The following HMGXB4 variants were observed in gnomAD, a reference collection of about 807,000 sequenced individuals.
The protein encoded by HMGXB4 is HMG domain-containing protein 4.
Under a neutral mutation model 63.9 loss-of-function variants are expected in HMGXB4, and 27 were observed. The ratio of observed to expected loss-of-function variants is 0.42; its 90% CI spans 0.31 to 0.58. HMGXB4 has a LOEUF of 0.58. Among genes scored for constraint, HMGXB4 ranks in the 20% least tolerant of loss-of-function variants. The pLI, the probability that HMGXB4 is intolerant of heterozygous loss-of-function variation, is 0.13. For synonymous variants in HMGXB4, 264 were observed against 265.3 expected (o/e 0.99, Z 0.05); for missense variants, 624 against 700.7 (o/e 0.89, Z 1.24).
At chr22:35,255,509 T>C (rs2146385221), upstream of HMGXB4, among the ~76,000 whole-genome samples, 1 of 152,300 alleles carries the variant, frequency 6.6e-6, no homozygotes, top group Middle Eastern at 3.4e-3. Flanking sequence ...AGAAAGACCC[T>C]GTCTCAAAAC....
chr22:35,282,366 CG>C (rs1354578190), intron 5 of HMGXB4, among the ~76,000 whole-genome samples: 4 of 152,046 alleles, frequency 2.6e-5, no homozygotes, highest in Non-Finnish European at 5.9e-5. Context: ...TTAGTAGAGA[CG>C]GGGTTTCACC....
rs765734557 is a variant in HMGXB4 at position 35,265,046 on chromosome 22, G to C, written c.658G>C (p.Val220Leu). ...TCAATATCCCTCCCAACAAGCGACT[G>C]TGAAAAAATCCTCAAAGAAATCAGC... ...SFQYPSQQAT[V>L]KKSSKKSARD... The change falls in exon 5 of 11, where the codon GTG becomes CTG. Residue 220 changes from valine (V) to leucine (L), a missense_variant. By Grantham distance (32) the Val-to-Leu change is conservative. Coordinates refer to ENST00000216106, the MANE Select transcript of HMGXB4 (RefSeq NM_001003681.3). 6.2e-7 allele frequency: 1 copy of C among 1,613,914 alleles called. No homozygotes were observed. Among genetic ancestry groups the C allele is most frequent in the Admixed American group, 1.7e-5 (1 of 60,026 alleles).
chr22:35,244,190 T>C, the HMGXB4 span, among the ~76,000 whole-genome samples: 1 of 152,198 alleles, frequency 6.6e-6, no homozygotes, highest in Non-Finnish European at 1.5e-5. Context: ...ATGATAGGAA[T>C]GTTGGATCTT....
intron 1 of HMGXB4, among the ~76,000 whole-genome samples, chr22:35,259,561 T>C (rs992693429): frequency 2.0e-5 from 3 of 151,552 alleles, no homozygotes; most frequent in Non-Finnish European, 2.9e-5. Flanking sequence ...CTTATATAAA[T>C]GTTGCCTGAA....
rs77048906 is a variant in HMGXB4 at position 35,288,693 on chromosome 22, A to T, written c.1638+286A>T. 4.3e-3 allele frequency among the ~76,000 whole-genome samples: 650 copies of T among 152,254 alleles called. 6 individuals carry two copies. Among genetic ancestry groups the T allele is most frequent in the African/African-American group, 0.014 (601 of 41,542 alleles). The stretch of plus-strand genomic sequence containing the variant: ...CTGTAACTTATTTTTATTTTTTTAA[A>T]ATGCAGTGGAGGCTGGGCGCAGTGG... On this transcript the variant is annotated intron_variant, in intron 9 of 10. Coordinates refer to ENST00000216106, the MANE Select transcript of HMGXB4 (RefSeq NM_001003681.3).
chr22:35,270,531 T>C (rs914221131), intron 5 of HMGXB4, among the ~76,000 whole-genome samples: 7 of 152,146 alleles, frequency 4.6e-5, no homozygotes, highest in Non-Finnish European at 1.0e-4. Flanking sequence ...CATGGAAAAA[T>C]TGTTTTCCAC....
At chr22:35,288,677 A>C (rs1924739888) in intron 9 of HMGXB4, among the ~76,000 whole-genome samples, 2 of 151,810 alleles carry the variant, frequency 1.3e-5, no homozygotes, top group African/African-American at 4.9e-5. Context: ...CCTGTAACTT[A>C]TTTTTATTTT....
intron 9 of HMGXB4, among the ~76,000 whole-genome samples, chr22:35,290,644 A>G (rs562320248): frequency 2.4e-3 from 370 of 151,202 alleles, no homozygotes; most frequent in African/African-American, 8.7e-3. Context: ...AAAAAAAAAA[A>G]AAAAAAAAAG....
chr22:35,256,607 C>T (rs1470020820), upstream of HMGXB4, among the ~76,000 whole-genome samples: 1 of 152,206 alleles, frequency 6.6e-6, no homozygotes, highest in Non-Finnish European at 1.5e-5. Context: ...TCAAGCGATT[C>T]TCCTGCCTCA....
In HMGXB4 at chr22:35,288,306, C is replaced by T. The variant is rs767377163; in HGVS notation, c.1537C>T (p.Pro513Ser). 1.4e-5 allele frequency: 23 copies of T among 1,612,416 alleles called. No homozygotes were observed. The highest frequency in any genetic ancestry group is 2.0e-5 in the Non-Finnish European group (23 of 1,179,044). The change falls in exon 9 of 11, where the codon CCA becomes TCA. Residue 513 changes from proline to serine, a missense_variant. By Grantham distance (74) the Pro-to-Ser change is moderately conservative. Around this residue, in one of 2 missense-constraint regions of HMGXB4, gnomAD observed 152 missense variants for 230.1 expected, o/e 0.66. Coordinates refer to ENST00000216106, the MANE Select transcript of HMGXB4 (RefSeq NM_001003681.3). The part of the protein sequence containing the change: ...PPTTMLLPAS[P>S]AKAPETEPID... The stretch of plus-strand genomic sequence containing the variant: ...CACCACCATGCTGTTACCAGCCTCA[C>T]CAGCCAAAGCCCCTGAGACAGAGCC...
chr22:35,290,412 G>A (rs768857415), intron 9 of HMGXB4, among the ~76,000 whole-genome samples: 4 of 151,928 alleles, frequency 2.6e-5, no homozygotes, highest in Admixed American at 6.6e-5. Flanking sequence ...TTGGGAGGCC[G>A]AGGCAGGCAG....
At chr22:35,244,741 A>G in the HMGXB4 span, among the ~76,000 whole-genome samples, 1 of 152,178 alleles carries the variant, frequency 6.6e-6, no homozygotes, top group African/African-American at 2.4e-5. Flanking sequence ...GGACAAATAC[A>G]AAATATGAGG....
At chr22:35,290,116 G>A (rs185177862) in intron 9 of HMGXB4, among the ~76,000 whole-genome samples, 10 of 152,288 alleles carry the variant, frequency 6.6e-5, no homozygotes, top group Middle Eastern at 3.4e-3. Context: ...ATTTCCAGAA[G>A]AAGTATTCTA....
intron 5 of HMGXB4, among the ~76,000 whole-genome samples, chr22:35,266,367 C>A (rs1014046248): frequency 6.6e-6 from 1 of 152,148 alleles, no homozygotes; most frequent in Admixed American, 6.5e-5. Flanking sequence ...TTCTGGTATT[C>A]TTTTTAGTGT....
At chr22:35,264,050 T>C in intron 4 of HMGXB4, 176 bp downstream of exon 4, 1 of 1,546,838 alleles carries the variant, frequency 6.5e-7, no homozygotes, top group Non-Finnish European at 8.7e-7. Flanking sequence ...GGCTGGTATT[T>C]TGGAGGATTC....
chr22:35,264,155 A>AAT (rs1923042816), intron 4 of HMGXB4: 1 of 1,124,008 alleles, frequency 8.9e-7, no homozygotes, highest in Non-Finnish European at 1.3e-6. Flanking sequence ...GTTATCTAGC[A>AAT]TCCCTTTTGC....
chr22:35,259,650 C>T (rs1362790725), intron 1 of HMGXB4, among the ~76,000 whole-genome samples: 4 of 152,298 alleles, frequency 2.6e-5, no homozygotes, highest in African/African-American at 9.6e-5. Flanking sequence ...CAATAATATC[C>T]TGATTTTAAA....
intron 5 of HMGXB4, among the ~76,000 whole-genome samples, chr22:35,282,676 A>T (rs1924341921): frequency 6.6e-6 from 1 of 152,216 alleles, no homozygotes; most frequent in Non-Finnish European, 1.5e-5. Flanking sequence ...TCTTGGGCCC[A>T]TAATGCATGG....
chr22:35,278,793 C>T (rs1170036873), intron 5 of HMGXB4, among the ~76,000 whole-genome samples: 2 of 149,952 alleles, frequency 1.3e-5, no homozygotes, highest in African/African-American at 2.5e-5. Flanking sequence ...GGGCTACAAG[C>T]ATGCACCACC....
Sources: allele counts gnomAD v4.1 joint callset (sites outside exome capture counted in the v4.1 genomes callset), GRCh38; gene constraint gnomAD v4.1.1; regional missense constraint gnomAD v4.1.1; transcripts MANE v1.5; gene names NCBI Gene and HGNC (gene_info 2026-07-23, HGNC 2026-07-21).